FRMPD4: variants seen among roughly 807,000 people sequenced by gnomAD.
The protein encoded by FRMPD4 is FERM and PDZ domain containing 4.
Under a neutral mutation model 94.1 loss-of-function variants are expected in FRMPD4, and 22 were observed. That is an observed-to-expected ratio of 0.23 (90% CI 0.17 to 0.33). The LOEUF (loss-of-function observed/expected upper bound fraction) is 0.33. Among genes scored for constraint, FRMPD4 ranks in the 10% least tolerant of loss-of-function variants. The probability of loss-of-function intolerance (pLI) is 1.00; values close to 1 mark genes in which losing one functional copy is unlikely to be tolerated. For synonymous variants in FRMPD4, 631 were observed against 548.6 expected (o/e 1.15, Z -2.10); for missense variants, 1,111 against 1,339.9 (o/e 0.83, Z 2.67).
chrX:12,137,874 G>T (rs2055621332), upstream of FRMPD4, among the ~76,000 whole-genome samples: 1 of 111,560 alleles, frequency 9.0e-6, no homozygotes, highest in African/African-American at 3.3e-5. Context: ...AAAGCAGCTC[G>T]CTCTGCGTGG....
At chrX:11,968,489 T>C (rs749619306) in intron 3 of FRMPD4, among the ~76,000 whole-genome samples, 61 of 111,636 alleles carry the variant, frequency 5.5e-4, no homozygotes, top group Non-Finnish European at 8.8e-4. Context: ...GAACTGCTAC[T>C]GTTTGTAAAA....
intron 2 of FRMPD4, among the ~76,000 whole-genome samples, chrX:12,534,002 C>T (rs1414309470): frequency 8.9e-6 from 1 of 112,825 alleles, no homozygotes; most frequent in Non-Finnish European, 1.9e-5. Context: ...ACGGAATCCC[C>T]TCCCATCACA....
At chrX:12,201,645 G>A (rs754956917) in intron 1 of FRMPD4, among the ~76,000 whole-genome samples, 3 of 112,078 alleles carry the variant, frequency 2.7e-5, no homozygotes, top group East Asian at 2.8e-4. Context: ...ACCTTCTTAA[G>A]ATGAGTCCAG....
chrX:12,534,479 C>T (rs917016326), intron 2 of FRMPD4, among the ~76,000 whole-genome samples: 4 of 112,211 alleles, frequency 3.6e-5, no homozygotes, highest in Non-Finnish European at 7.5e-5. Flanking sequence ...CACCATGCAC[C>T]TGGAAAAGCT....
At chrX:12,417,806 G>A (rs1230966152) in intron 1 of FRMPD4, among the ~76,000 whole-genome samples, 1 of 107,244 alleles carries the variant, frequency 9.3e-6, no homozygotes, top group Non-Finnish European at 1.9e-5. Context: ...TCAGGAGATC[G>A]AGACCATCCT....
intron 3 of FRMPD4, among the ~76,000 whole-genome samples, chrX:12,007,826 TTACAGGAA>T (rs1240168687): frequency 8.9e-6 from 1 of 112,323 alleles, no homozygotes; most frequent in Admixed American, 9.4e-5. Context: ...AAGTATGCCC[TTACAGGAA>T]TAACTGAAAT....
intron 1 of FRMPD4, among the ~76,000 whole-genome samples, chrX:12,199,021 G>GT (rs1170017015): frequency 1.2e-4 from 13 of 110,822 alleles, no homozygotes; most frequent in African/African-American, 2.6e-4. Flanking sequence ...ACAGATGCAA[G>GT]TTTTTTTTAA....
intron 1 of FRMPD4, among the ~76,000 whole-genome samples, chrX:12,283,957 GA>G (rs890791783): frequency 5.4e-5 from 6 of 110,887 alleles, no homozygotes; most frequent in African/African-American, 2.0e-4. Context: ...GGTGTTAAGA[GA>G]AAAAAAATTC....
chrX:12,274,869 C>T (rs969655024), intron 1 of FRMPD4, among the ~76,000 whole-genome samples: 1 of 111,764 alleles, frequency 8.9e-6, no homozygotes, highest in Admixed American at 9.4e-5. Context: ...ATTAGCCAGA[C>T]GCGGTGGTGG....
chrX:12,657,517 C>A (rs925824063), intron 4 of FRMPD4, among the ~76,000 whole-genome samples: 2 of 111,570 alleles, frequency 1.8e-5, no homozygotes, highest in African/African-American at 3.3e-5. Context: ...TTTAACCTAA[C>A]CTTGGATATC....
intron 3 of FRMPD4, among the ~76,000 whole-genome samples, chrX:12,010,058 T>C (rs1184398005): frequency 1.8e-5 from 2 of 111,610 alleles, no homozygotes; most frequent in Non-Finnish European, 3.8e-5. Flanking sequence ...TTAGTTCAAC[T>C]TAAGGGAAAG....
intron 3 of FRMPD4, among the ~76,000 whole-genome samples, chrX:12,120,384 T>C (rs1413501026): frequency 8.9e-6 from 1 of 112,002 alleles, no homozygotes; most frequent in Non-Finnish European, 1.9e-5. Context: ...GAATCTCTGC[T>C]AGGATGCATA....
Position 12,721,644 on chromosome X carries a change from T to C in FRMPD4, c.5075T>C (p.Val1692Ala). The stretch of plus-strand genomic sequence containing the variant: ...CTAACAGAAGCTTGCATGCGATTAG[T>C]TAAAGTCGTGAACTCAGAAACACAG... ...CCLTEACMRL[V>A]KVVNSETQRQ... Residue 1692 changes from valine (V) to alanine (A), a missense_variant, in exon 17 of 17, where the codon GTT (valine) becomes GCT (alanine). By Grantham distance (64) the Val-to-Ala change is moderately conservative (BLOSUM62 0). Coordinates refer to ENST00000675598, the MANE Select transcript of FRMPD4 (RefSeq NM_001368397.1). The C allele has an allele frequency of 1.3e-6, 1 of 754,146 alleles. No individual in the cohort carries two copies. Among genetic ancestry groups the C allele is most frequent in the Non-Finnish European group, 1.6e-6 (1 of 637,503 alleles). 62.2% of individuals were successfully genotyped at this position (754,146 alleles called of 1,213,427 possible).
chrX:12,645,088 T>C (rs376873681), intron 4 of FRMPD4, among the ~76,000 whole-genome samples: 1 of 111,384 alleles, frequency 9.0e-6, no homozygotes, highest in East Asian at 2.8e-4. Context: ...GAACCATTAA[T>C]GTGTGTTTTT....
At chrX:12,608,977 T>C (rs779688672) in intron 2 of FRMPD4, among the ~76,000 whole-genome samples, 18 of 112,572 alleles carry the variant, frequency 1.6e-4, no homozygotes, top group Non-Finnish European at 2.6e-4. Flanking sequence ...ACTGATAGCA[T>C]ACTGTTGACC....
intron 1 of FRMPD4, among the ~76,000 whole-genome samples, chrX:12,493,880 A>G (rs752196829): frequency 2.7e-5 from 3 of 112,314 alleles, no homozygotes; most frequent in African/African-American, 6.5e-5. Context: ...TGAGTCAAGC[A>G]TTGTACTTTA....
intron 1 of FRMPD4, among the ~76,000 whole-genome samples, chrX:12,319,385 C>G (rs1304853067): frequency 8.9e-6 from 1 of 112,120 alleles, no homozygotes; most frequent in Non-Finnish European, 1.9e-5. Context: ...TGCCTGGACC[C>G]ACCCCCAGGG....
chrX:12,349,832 C>T (rs2055774098), intron 1 of FRMPD4, among the ~76,000 whole-genome samples: 1 of 111,252 alleles, frequency 9.0e-6, no homozygotes, highest in Non-Finnish European at 1.9e-5. Flanking sequence ...ATGTGGATTT[C>T]CTCGTATTTC....
At chrX:12,477,207 A>G (rs918364442) in intron 1 of FRMPD4, among the ~76,000 whole-genome samples, 1 of 111,553 alleles carries the variant, frequency 9.0e-6, no homozygotes, top group Non-Finnish European at 1.9e-5. Flanking sequence ...TGGCAAGGAC[A>G]AAAAACCAAA....
Sources: gnomAD v4.1 joint callset for allele counts (sites outside exome capture counted in the v4.1 genomes callset) on GRCh38, gnomAD v4.1.1 for gene constraint, MANE v1.5 for transcripts, NCBI Gene and HGNC (gene_info 2026-07-23, HGNC 2026-07-21) for gene names.